Variants in B3GALT1 observed in about 807,000 individuals in gnomAD.
B3GALT1 encodes the protein UDP-Gal:betaGlcNAc beta 1,3-galactosyltransferase, polypeptide 1.
A neutral mutation model predicts 23.2 loss-of-function variants in B3GALT1; 10 were observed. The observed-to-expected ratio is 0.43, with a 90% CI of 0.27 to 0.73. The LOEUF is 0.73. B3GALT1 is among the 30% of genes least tolerant of loss of function. The pLI is 0.21. For synonymous variants in B3GALT1, 156 were observed against 141.5 expected, an observed-to-expected ratio of 1.10 and a Z score of -0.73; for missense variants, 299 against 405.4, an observed-to-expected ratio of 0.74 and a Z score of 2.25.
At chr2:167,339,870 C>A (rs1407819402) in intron 1 of B3GALT1, among the ~76,000 whole-genome samples, 1 of 152,106 alleles carries the variant, frequency 6.6e-6, no homozygotes, top group Non-Finnish European at 1.5e-5. Flanking sequence ...AATCTCCACA[C>A]AGGTTACAAG....
intron 3 of B3GALT1, among the ~76,000 whole-genome samples, chr2:167,702,575 C>T (rs1397517930): frequency 6.6e-6 from 1 of 152,064 alleles, no homozygotes; most frequent in African/African-American, 2.4e-5. Context: ...AATATGAAAA[C>T]AAAATTCAGT....
chr2:167,543,632 G>A (rs1163247576), intron 2 of B3GALT1, among the ~76,000 whole-genome samples: 1 of 152,184 alleles, frequency 6.6e-6, no homozygotes, highest in South Asian at 2.1e-4. Flanking sequence ...TTATAGAATA[G>A]TATGTAGAAT....
rs140876541 is a variant in B3GALT1 at position 167,724,786 on chromosome 2, A to G, written c.-352+77820A>G. Reference sequence around the variant, plus strand: ...TATCTGCTTTTGCAATCAATGTGCCATGATCTGTTATTTTAGTTGGAGTGT... The same window carrying G: ...TATCTGCTTTTGCAATCAATGTGCCGTGATCTGTTATTTTAGTTGGAGTGT... On this transcript the variant is annotated intron_variant, in intron 3 of 4. Coordinates refer to ENST00000392690, the MANE Select transcript of B3GALT1 (RefSeq NM_020981.4). Among the ~76,000 whole-genome samples the G allele has an allele frequency of 5.3e-5, 8 of 152,334 alleles. No homozygotes were observed. In the East Asian group the frequency reaches 1.3e-3, roughly 26 times the overall value.
At position 167,570,587 on chromosome 2, in the gene B3GALT1, A is replaced by G. The variant is rs1424253165; in HGVS notation, c.-409-76322A>G. On this transcript the variant is annotated intron_variant, in intron 2 of 4. Transcript: ENST00000392690. ...GTAGTGGATGATATATTAGCTATTAATCATTATTTTGAATACTCAGCATTT... is the reference window on the plus strand; with the variant it reads ...GTAGTGGATGATATATTAGCTATTAGTCATTATTTTGAATACTCAGCATTT... Among the ~76,000 whole-genome samples the G allele has an allele frequency of 4.6e-5, 7 of 151,982 alleles. No homozygotes were observed. In the East Asian group the frequency reaches 1.3e-3, roughly 29 times the overall value.
intron 2 of B3GALT1, among the ~76,000 whole-genome samples, chr2:167,585,968 G>C (rs1684577926): frequency 6.6e-6 from 1 of 152,204 alleles, no homozygotes; most frequent in Non-Finnish European, 1.5e-5. Context: ...TCTATGATGA[G>C]AGGTCAAAAT....
At chr2:167,524,573 A>G (rs1258726626) in intron 2 of B3GALT1, among the ~76,000 whole-genome samples, 1 of 152,204 alleles carries the variant, frequency 6.6e-6, no homozygotes. Flanking sequence ...AATGAATTGC[A>G]TTTTTGAGAG....
intron 2 of B3GALT1, among the ~76,000 whole-genome samples, chr2:167,626,645 T>C (rs1291380957): frequency 6.6e-6 from 1 of 151,834 alleles, no homozygotes; most frequent in Non-Finnish European, 1.5e-5. Context: ...GGTTTTGGAC[T>C]GTTTGCTATC....
chr2:167,535,306 T>G (rs1683397505), intron 2 of B3GALT1, among the ~76,000 whole-genome samples: 1 of 152,102 alleles, frequency 6.6e-6, no homozygotes, highest in Non-Finnish European at 1.5e-5. Flanking sequence ...AGGGAGCTTA[T>G]GAAAGTGGTG....
At chr2:167,700,675 CA>C (rs1015530002) in intron 3 of B3GALT1, among the ~76,000 whole-genome samples, 2 of 151,364 alleles carry the variant, frequency 1.3e-5, no homozygotes, top group Admixed American at 1.3e-4. Flanking sequence ...TCAGTACAGT[CA>C]AAAAAAAGAA....
At chr2:167,735,545 A>T (rs1412677910) in intron 3 of B3GALT1, among the ~76,000 whole-genome samples, 5 of 152,230 alleles carry the variant, frequency 3.3e-5, no homozygotes, top group Non-Finnish European at 7.3e-5. Context: ...AAACATCTTC[A>T]CTGGCTCAAA....
At chr2:167,494,986 T>C (rs1013714860) in intron 2 of B3GALT1, among the ~76,000 whole-genome samples, 1 of 152,174 alleles carries the variant, frequency 6.6e-6, no homozygotes, top group Non-Finnish European at 1.5e-5. Context: ...GTAGACAATT[T>C]CTGTCTTCAG....
chr2:167,380,376 T>G (rs567892244), intron 1 of B3GALT1, among the ~76,000 whole-genome samples: 34 of 152,154 alleles, frequency 2.2e-4, no homozygotes, highest in African/African-American at 7.9e-4. Flanking sequence ...ACTAAAAGTC[T>G]CATTGCCCAG....
intron 3 of B3GALT1, among the ~76,000 whole-genome samples, chr2:167,700,817 G>A (rs975088623): frequency 4.6e-5 from 7 of 152,136 alleles, no homozygotes; most frequent in African/African-American, 1.7e-4. Context: ...GGCCCAGATT[G>A]ACACTCATAT....
At chr2:167,668,974 C>T (rs1686269584) in intron 3 of B3GALT1, among the ~76,000 whole-genome samples, 3 of 152,158 alleles carry the variant, frequency 2.0e-5, no homozygotes, top group Non-Finnish European at 4.4e-5. Flanking sequence ...ATCCCATTCT[C>T]TAATGTCACT....
At chr2:167,852,659 A>C (rs1689925383) in intron 4 of B3GALT1, among the ~76,000 whole-genome samples, 1 of 152,194 alleles carries the variant, frequency 6.6e-6, no homozygotes, top group South Asian at 2.1e-4. Flanking sequence ...CACAGTGAAA[A>C]GGGCTAGGCA....
At chr2:167,396,481 C>T (rs1187524408) in intron 1 of B3GALT1, among the ~76,000 whole-genome samples, 4 of 148,188 alleles carry the variant, frequency 2.7e-5, no homozygotes, top group Admixed American at 6.8e-5. Context: ...AAACATTTTC[C>T]GAATAGAATT....
At chr2:167,456,211 T>C (rs1463564065) in intron 1 of B3GALT1, among the ~76,000 whole-genome samples, 1 of 152,102 alleles carries the variant, frequency 6.6e-6, no homozygotes, top group Admixed American at 6.6e-5. Flanking sequence ...GAAGCAAGCA[T>C]GTCACATGGC....
intron 3 of B3GALT1, among the ~76,000 whole-genome samples, chr2:167,759,160 C>G (rs192544242): frequency 6.6e-6 from 1 of 152,172 alleles, no homozygotes; most frequent in Non-Finnish European, 1.5e-5. Context: ...ACTCCGTTCT[C>G]GAGGTTTCCA....
chr2:167,671,965 A>G (rs1205969755), intron 3 of B3GALT1, among the ~76,000 whole-genome samples: 1 of 152,162 alleles, frequency 6.6e-6, no homozygotes, highest in East Asian at 1.9e-4. Flanking sequence ...ACAGAAATAC[A>G]AAGGATCATA....
Sources: gnomAD v4.1 joint callset for allele counts (sites outside exome capture counted in the v4.1 genomes callset) on GRCh38, gnomAD v4.1.1 for gene constraint, MANE v1.5 for transcripts, NCBI Gene and HGNC (gene_info 2026-07-23, HGNC 2026-07-21) for gene names.